The following COL22A1 variants were observed in gnomAD, a reference collection of about 807,000 sequenced individuals.
COL22A1 encodes the protein collagen alpha-1(XXII) chain.
COL22A1 carries 221 observed loss-of-function variants against 248.9 expected under a neutral mutation model. The observed-to-expected ratio is 0.89, with a 90% CI of 0.80 to 0.99. The LOEUF (loss-of-function observed/expected upper bound fraction) is 0.99. Among genes scored for constraint, COL22A1 ranks in the 50% least tolerant of loss-of-function variants. The pLI, the probability that COL22A1 is intolerant of heterozygous loss-of-function variation, is 0.00. For synonymous variants in COL22A1, 891 were observed against 793.4 expected, an observed-to-expected ratio of 1.12 and a Z score of -2.07; for missense variants, 2,240 against 2,179.0, an observed-to-expected ratio of 1.03 and a Z score of -0.56.
At chr8:138,629,790 C>T (rs1273183487) in intron 50 of COL22A1, among the ~76,000 whole-genome samples, 1 of 152,092 alleles carries the variant, frequency 6.6e-6, no homozygotes, top group Non-Finnish European at 1.5e-5. Flanking sequence ...GCCCTTTGCA[C>T]AGAACTCCAG....
intron 39 of COL22A1, among the ~76,000 whole-genome samples, chr8:138,680,994 G>C (rs942744467): frequency 3.9e-5 from 6 of 152,168 alleles, no homozygotes; most frequent in African/African-American, 9.7e-5. Context: ...TTCCCCCCGG[G>C]GGGGGTCTCA....
At chr8:138,756,089 C>G (rs1366664710) in intron 18 of COL22A1, among the ~76,000 whole-genome samples, 1 of 152,116 alleles carries the variant, frequency 6.6e-6, no homozygotes, top group South Asian at 2.1e-4. Flanking sequence ...CAATCTAGTG[C>G]CTAGATTTGG....
At chr8:138,850,445 C>A (rs1326922703) in intron 3 of COL22A1, among the ~76,000 whole-genome samples, 7 of 152,204 alleles carry the variant, frequency 4.6e-5, no homozygotes, top group Non-Finnish European at 1.0e-4. Flanking sequence ...GAGATCAGGG[C>A]CACCTCCCTC....
At position 138,889,939 on chromosome 8, in the gene COL22A1, C is replaced by A. The variant is rs141400736; in HGVS notation, c.-72-6695G>T. Among the ~76,000 whole-genome samples, 815 of 152,216 alleles carry A rather than the reference C, an allele frequency of 5.4e-3. 8 individuals carry two copies. Among genetic ancestry groups the A allele is most frequent in the Middle Eastern group, 0.01 (3 of 294 alleles). On this transcript the variant is annotated intron_variant, in intron 1 of 64. Coordinates refer to ENST00000303045, the MANE Select transcript of COL22A1 (RefSeq NM_152888.3). Reference sequence around the variant, plus strand: ...TCTAAATACTCAAGAAAAGACAGAACTAAAGACCAATATCCTTTATAAACA... The same window carrying A: ...TCTAAATACTCAAGAAAAGACAGAAATAAAGACCAATATCCTTTATAAACA...
rs1176523029 is a variant in COL22A1 at position 138,878,027 on chromosome 8, G to A, written c.381C>T (p.Arg127=). Reference sequence around the variant, plus strand: ...GGCCGCCGGCGTGTGGGGAGAAGCTGCGGGCCGTGATGTAGCGGAGCGCGT... The same window carrying A: ...GGCCGCCGGCGTGTGGGGAGAAGCTACGGGCCGTGATGTAGCGGAGCGCGT... ...TGDALRYITA[R]SFSPHAGGRP... The change falls in exon 3 of 65, where the codon CGC becomes CGT. Residue 127 remains arginine, a synonymous_variant. Transcript: ENST00000303045. The A allele has an allele frequency of 6.3e-7, 1 of 1,590,782 alleles. No individual in the cohort carries two copies. Among genetic ancestry groups the A allele is most frequent in the East Asian group, 2.3e-5 (1 of 43,748 alleles).
chr8:138,757,880 C>G lies in COL22A1; in HGVS notation c.1903-2051G>C, dbSNP rs141102092. The stretch of plus-strand genomic sequence containing the variant: ...AGTTGTGGCCACTGTGGTGGCCCGT[C>G]TCCACGACGGTCCCCCGTAGTCCCT... On this transcript the variant is annotated intron_variant, in intron 18 of 64. Coordinates refer to ENST00000303045, the MANE Select transcript of COL22A1 (RefSeq NM_152888.3). 1.6e-4 allele frequency among the ~76,000 whole-genome samples: 24 copies of G among 152,352 alleles called. No homozygotes were observed. In the East Asian group the frequency reaches 3.5e-3, roughly 22 times the overall value.
Position 138,700,111 on chromosome 8 carries a change from C to A in COL22A1, c.2592+1G>T. 1.2e-6 allele frequency: 2 copies of A among 1,613,268 alleles called. No individual in the cohort carries two copies. Among genetic ancestry groups the A allele is most frequent in the Non-Finnish European group, 8.5e-7 (1 of 1,179,762 alleles). On this transcript the variant is annotated splice_donor_variant, in intron 32 of 64. Transcript: ENST00000303045. LOFTEE classifies it high-confidence loss of function. ...CACCCCGAGGCACCGCTACTACTTACGGGCATCCGTGGATGTGGTGTGAAC... is the reference window on the plus strand; with the variant it reads ...CACCCCGAGGCACCGCTACTACTTAAGGGCATCCGTGGATGTGGTGTGAAC...
At chr8:138,655,789 T>A in intron 45 of COL22A1, 108 bp downstream of exon 45, 1 of 942,508 alleles carries the variant, frequency 1.1e-6, no homozygotes. Context: ...GCTGTTATCG[T>A]TAATACTACC....
chr8:138,612,762 A>G (rs1391269475), intron 56 of COL22A1, among the ~76,000 whole-genome samples: 1 of 151,624 alleles, frequency 6.6e-6, no homozygotes, highest in Non-Finnish European at 1.5e-5. Flanking sequence ...CCCCATCTCT[A>G]CTAAAAATAA....
At chr8:138,799,176 C>G (rs1213135608) in intron 11 of COL22A1, among the ~76,000 whole-genome samples, 1 of 152,042 alleles carries the variant, frequency 6.6e-6, no homozygotes, top group African/African-American at 2.4e-5. Context: ...TAATTTCTAA[C>G]TCTTTATTGA....
chr8:138,619,170 T>C, intron 53 of COL22A1, among the ~76,000 whole-genome samples: 1 of 152,260 alleles, frequency 6.6e-6, no homozygotes, highest in East Asian at 1.9e-4. Context: ...GATTCATTTT[T>C]ACGTTCTATT....
intron 47 of COL22A1, among the ~76,000 whole-genome samples, chr8:138,645,556 A>G (rs1430801126): frequency 1.3e-5 from 2 of 152,196 alleles, no homozygotes; most frequent in Admixed American, 1.3e-4. Flanking sequence ...GTCATTCTTC[A>G]GTTGATACAA....
intron 3 of COL22A1, among the ~76,000 whole-genome samples, chr8:138,868,665 A>T (rs566709059): frequency 5.9e-5 from 9 of 152,096 alleles, no homozygotes; most frequent in African/African-American, 1.2e-4. Context: ...CTGTATCAAG[A>T]GTTCCCCAGG....
chr8:138,670,979 A>AAAG (rs1824975962), intron 41 of COL22A1, among the ~76,000 whole-genome samples: 1 of 149,286 alleles, frequency 6.7e-6, no homozygotes, highest in Non-Finnish European at 1.5e-5. Context: ...AAAAAAAAAA[A>AAAG]AAAAAAAGCC....
At chr8:138,722,968 G>A (rs990202478) in intron 25 of COL22A1, among the ~76,000 whole-genome samples, 2 of 151,552 alleles carry the variant, frequency 1.3e-5, no homozygotes, top group Admixed American at 1.3e-4. Context: ...ATACCCAGGT[G>A]ATGGGTTGAT....
At chr8:138,747,683 T>C (rs969012297) in intron 22 of COL22A1, among the ~76,000 whole-genome samples, 2 of 152,184 alleles carry the variant, frequency 1.3e-5, no homozygotes, top group East Asian at 1.9e-4. Flanking sequence ...CCTGCCAGAA[T>C]ATAAACAGCA....
intron 1 of COL22A1, among the ~76,000 whole-genome samples, chr8:138,902,461 G>C (rs1814654055): frequency 6.6e-6 from 1 of 152,126 alleles, no homozygotes; most frequent in Middle Eastern, 3.2e-3. Context: ...ACTTTGGAAG[G>C]CCGAGGTGGG....
chr8:138,752,817 T>C (rs1480954535), intron 21 of COL22A1, among the ~76,000 whole-genome samples: 1 of 152,246 alleles, frequency 6.6e-6, no homozygotes, highest in African/African-American at 2.4e-5. Context: ...AGCCAGCTTC[T>C]CAATTCAATT....
rs1476250204 is a variant in COL22A1, at chr8:138,913,843, C to T, written c.-297G>A. 6.6e-6 allele frequency: 1 copy of T among 152,398 alleles called. No homozygotes were observed. The highest frequency in any genetic ancestry group is 1.5e-5 in the Non-Finnish European group (1 of 68,196). 9.4% of individuals were successfully genotyped at this position (152,398 alleles called of 1,614,324 possible). A position where few individuals can be genotyped will look rare whatever the true frequency, so the allele number is the denominator to read the frequency against. ...CCAGGCCAGGGGGCCAGAGAGGGAACCAGCTTGAAAACAAGTAACTAAATA... is the reference window on the plus strand; with the variant it reads ...CCAGGCCAGGGGGCCAGAGAGGGAATCAGCTTGAAAACAAGTAACTAAATA... On this transcript the variant is annotated 5_prime_UTR_variant, in exon 1 of 65. Transcript: ENST00000303045.
Sources: gnomAD v4.1 joint callset for allele counts (sites outside exome capture counted in the v4.1 genomes callset) on GRCh38, gnomAD v4.1.1 for gene constraint, MANE v1.5 for transcripts, NCBI Gene and HGNC (gene_info 2026-07-23, HGNC 2026-07-21) for gene names.